Variants in RFX1 observed in about 807,000 individuals in gnomAD.
RFX1 encodes the protein regulatory factor X1, also known as MHC class II regulatory factor RFX1.
RFX1 carries 42 observed loss-of-function variants against 119.6 expected under a neutral mutation model. The observed-to-expected ratio is 0.35, with a 90% CI of 0.27 to 0.45. RFX1 has a LOEUF of 0.45. RFX1 is among the 20% of genes least tolerant of loss of function. RFX1 has a pLI of 1.00. For missense variants in RFX1, 1,118 were observed against 1,368.1 expected, an observed-to-expected ratio of 0.82 and a Z score of 2.88; for synonymous variants, 628 against 618.5, an observed-to-expected ratio of 1.02 and a Z score of -0.23.
chr19:13,990,556 G>A lies in RFX1; in HGVS notation c.319+2969C>T, dbSNP rs958208665. ...GATTAGGCCGGGCGCGGTGGCTCAC[G>A]CCTGTAATCCCAGCACTTTTGGAGG... is the stretch of plus-strand genomic sequence containing the variant. On this transcript the variant is annotated intron_variant, in intron 2 of 20. Coordinates refer to ENST00000254325, the MANE Select transcript of RFX1 (RefSeq NM_002918.5). This position sits in a 1 kb window ranked among gnomAD's most constrained non-coding sequence, Gnocchi z 4.1. Among the ~76,000 whole-genome samples, 29 of 152,010 alleles carry A rather than the reference G, an allele frequency of 1.9e-4. No individual in the cohort carries two copies. Among genetic ancestry groups the A allele is most frequent in the East Asian group, 7.7e-4 (4 of 5,172 alleles).
chr19:13,974,696 A>C (rs543310011), intron 8 of RFX1, among the ~76,000 whole-genome samples: 1 of 152,284 alleles, frequency 6.6e-6, no homozygotes, highest in East Asian at 1.9e-4. Flanking sequence ...ATCTCGCTAA[A>C]CATCGTTGGA....
At chr19:13,994,802 CATAT>C (rs1974936506) in intron 1 of RFX1, among the ~76,000 whole-genome samples, 1 of 124,708 alleles carries the variant, frequency 8.0e-6, no homozygotes, top group Admixed American at 8.6e-5. Context: ...CATATATATA[CATAT>C]ATAGTATATA....
At chr19:13,995,851 C>CAAAAA (rs57542235) in intron 1 of RFX1, among the ~76,000 whole-genome samples, 1 of 35,630 alleles carries the variant, frequency 2.8e-5, no homozygotes, top group African/African-American at 7.1e-5. Flanking sequence ...ACTCTGTCTC[C>CAAAAA]AAAAAAAAAA....
Position 13,969,661 on chromosome 19 carries a change from A to AG in RFX1, c.1496+332_1496+333insC. ...GCCACAGAGTGAGACTCTTGTCTCC[A>AG]AAAAAAAAAAAAAGTCACGTGTGAG... On this transcript the variant is annotated intron_variant, in intron 10 of 20. Transcript: ENST00000254325. The surrounding 1 kb of genome is among the most constrained non-coding windows in gnomAD (Gnocchi z 4.5). 1 of 151,030 alleles carries AG rather than the reference A, an allele frequency of 6.6e-6. No individual in the cohort carries two copies. The highest frequency in any genetic ancestry group is 1.4e-5 in the Non-Finnish European group (1 of 69,110). The allele number at this position is 151,030 out of a possible 1,614,324, so 9.4% of individuals were successfully genotyped here. A position where few individuals can be genotyped will look rare whatever the true frequency, so the allele number is the denominator to read the frequency against.
Position 13,993,886 on chromosome 19 carries a change from T to C in RFX1, c.-43A>G. The C allele has an allele frequency of 1.4e-6, 2 of 1,456,756 alleles. No homozygotes were observed. Among genetic ancestry groups the C allele is most frequent in the Non-Finnish European group, 1.8e-6 (2 of 1,089,176 alleles). 90.2% of individuals were successfully genotyped at this position (1,456,756 alleles called of 1,614,324 possible). ...TGATAATAAATAAGGCTTTTTTTTT[T>C]TTTTAATTCCTTGGGAAGAAAGACG... is the stretch of plus-strand genomic sequence containing the variant. On this transcript the variant is annotated 5_prime_UTR_variant, in exon 2 of 21. Transcript: ENST00000254325.
In RFX1 at chr19:13,966,688, C is replaced by T; in HGVS notation, c.1796G>A (p.Gly599Asp). Residue 599 changes from glycine to aspartate, a missense_variant, in exon 13 of 21, where the codon GGC becomes GAC. Physicochemically the swap from Gly to Asp is moderately conservative, Grantham distance 94. Coordinates refer to ENST00000254325, the MANE Select transcript of RFX1 (RefSeq NM_002918.5). This position sits in a 1 kb window ranked among gnomAD's most constrained non-coding sequence, Gnocchi z 6.3. ...GGCTTTGATGTCCCCGGGCCCGACG[C>T]CCTCAGGCAGCACCTTGCCCTGGAG... ...LDLQGKVLPE[G>D]VGPGDIKAFQ... 1 of 1,611,600 alleles carries T rather than the reference C, an allele frequency of 6.2e-7. No homozygotes were observed. The highest frequency in any genetic ancestry group is 1.1e-5 in the South Asian group (1 of 90,992).
rs149265349 is a variant in RFX1, at chr19:13,970,221, G to A, written c.1315-46C>T. ...GAGAGCACCAGTCAGAGGCGCTTCC[G>A]TCATCTCTGAGTGCTGGGGCTGAGT... is the stretch of plus-strand genomic sequence containing the variant. On this transcript the variant is annotated intron_variant, in intron 9 of 20. Coordinates refer to ENST00000254325, the MANE Select transcript of RFX1 (RefSeq NM_002918.5). The A allele has an allele frequency of 5.8e-4, 879 of 1,508,674 alleles. 6 individuals carry two copies. The African/African-American group carries it at 9.8e-3, about 17-fold the overall frequency. 93.5% of individuals were successfully genotyped at this position (1,508,674 alleles called of 1,614,324 possible).
At chr19:13,996,351 T>C (rs914360837) in intron 1 of RFX1, among the ~76,000 whole-genome samples, 2 of 152,236 alleles carry the variant, frequency 1.3e-5, no homozygotes, top group African/African-American at 2.4e-5. Context: ...CGGGCAGTAC[T>C]GCCTCCTGGC....
At chr19:13,973,151 G>A in intron 8 of RFX1, 24 bp from the exon 9 acceptor site, 1 of 1,395,298 alleles carries the variant, frequency 7.2e-7, no homozygotes, top group South Asian at 1.1e-5. Context: ...AAAGCCAAGG[G>A]AGAGTCAGGG....
rs918678404 is a variant in RFX1 at position 13,968,427 on chromosome 19, C to G, written c.1732+138G>C. The G allele has an allele frequency of 3.9e-5, 27 of 688,714 alleles. No homozygotes were observed. The highest frequency in any genetic ancestry group is 3.8e-4 in the African/African-American group (22 of 57,202). 42.7% of individuals were successfully genotyped at this position (688,714 alleles called of 1,614,324 possible). Reference sequence around the variant, plus strand: ...TGGACGGAGACTGTGATGTCTCCCCCACCCCCTGCTGGTTCTCGGGCATCT... The same window carrying G: ...TGGACGGAGACTGTGATGTCTCCCCGACCCCCTGCTGGTTCTCGGGCATCT... On this transcript the variant is annotated intron_variant, in intron 12 of 20. Coordinates refer to ENST00000254325, the MANE Select transcript of RFX1 (RefSeq NM_002918.5). The surrounding 1 kb of genome is among the most constrained non-coding windows in gnomAD (Gnocchi z 5.5).
Position 13,993,782 on chromosome 19 carries a change from G to T in RFX1, c.62C>A (p.Ala21Asp). ...CGGCTGGGGCTGGGCTTGTGGCGGG[G>T]CCTGTGGCGGCTGGGATGGTGGCGG... is the stretch of plus-strand genomic sequence containing the variant. ...AAPPPSQPPQAPPQAQPQPPP... is the reference protein window; with the variant it reads ...AAPPPSQPPQDPPQAQPQPPP... The change falls in exon 2 of 21, where the codon GCC (alanine) becomes GAC (aspartate). Residue 21 changes from alanine to aspartate, a missense_variant. By Grantham distance (126) the Ala-to-Asp change is moderately radical. This residue lies in a region of RFX1 where 542 missense variants were observed against 602.7 expected (regional missense o/e 0.90). Coordinates refer to ENST00000254325, the MANE Select transcript of RFX1 (RefSeq NM_002918.5). 2 of 1,589,422 alleles carry T rather than the reference G, an allele frequency of 1.3e-6. No homozygotes were observed. Among genetic ancestry groups the T allele is most frequent in the Non-Finnish European group, 1.7e-6 (2 of 1,169,342 alleles).
At chr19:13,962,901 T>C in intron 20 of RFX1, 37 bp from the exon 21 acceptor site, 1 of 1,529,344 alleles carries the variant, frequency 6.5e-7, no homozygotes, top group Non-Finnish European at 8.8e-7. Context: ...CGGGGCGGGG[T>C]GGCAACGCCC....
At position 13,966,393 on chromosome 19, in the gene RFX1, C is replaced by A; in HGVS notation, c.1961+28G>T. 6.8e-7 allele frequency: 1 copy of A among 1,470,392 alleles called. No homozygotes were observed. Among genetic ancestry groups the A allele is most frequent in the Non-Finnish European group, 9.5e-7 (1 of 1,050,466 alleles). The allele number at this position is 1,470,392 out of a possible 1,614,324, so 91.1% of individuals were successfully genotyped here. ...GGGTCATGCCCTCCTCCCCCCTCTC[C>A]CTCCCACAGTCGCCGGGCAGTACTC... is the stretch of plus-strand genomic sequence containing the variant. On this transcript the variant is annotated intron_variant, in intron 14 of 20. Coordinates refer to ENST00000254325, the MANE Select transcript of RFX1 (RefSeq NM_002918.5). This position sits in a 1 kb window ranked among gnomAD's most constrained non-coding sequence, Gnocchi z 6.3.
rs569494540 is a variant in RFX1 at position 13,972,974 on chromosome 19, G to A, written c.1083C>T (p.Ser361=). The A allele has an allele frequency of 1.9e-5, 31 of 1,599,808 alleles. No individual in the cohort carries two copies. The highest frequency in any genetic ancestry group is 2.7e-5 in the African/African-American group (2 of 74,884). ...ASSGSMPMYV[S]GSQVVASSTS... is the part of the protein sequence containing the mutation. ...TGGAGCTGGCGACGACCTGGCTGCCGGACACGTACATGGGCATGGAGCCAC... is the reference window on the plus strand; with the variant it reads ...TGGAGCTGGCGACGACCTGGCTGCCAGACACGTACATGGGCATGGAGCCAC... The change falls in exon 9 of 21, where the codon TCC becomes TCT. Residue 361 remains serine, a synonymous_variant. Coordinates refer to ENST00000254325, the MANE Select transcript of RFX1 (RefSeq NM_002918.5).
In RFX1 at chr19:13,993,734, G is replaced by A; in HGVS notation, c.110C>T (p.Ala37Val). ...GGTGGGTGGCTGCGGGGGCTGGGGTGCCGCTGGGGGTGGTGGCGGTGGCGG... is the reference window on the plus strand; with the variant it reads ...GGTGGGTGGCTGCGGGGGCTGGGGTACCGCTGGGGGTGGTGGCGGTGGCGG... Reference protein sequence around the residue: ...PQPPPPPPPAAPQPPQPPTAA... With the variant: ...PQPPPPPPPAVPQPPQPPTAA... The change falls in exon 2 of 21, where the codon GCA (alanine) becomes GTA (valine). Residue 37 changes from alanine to valine, a missense_variant. Around this residue, in one of 5 missense-constraint regions of RFX1, gnomAD observed 542 missense variants for 602.7 expected, o/e 0.90. Transcript: ENST00000254325. 4 of 1,583,782 alleles carry A rather than the reference G, an allele frequency of 2.5e-6. No individual in the cohort carries two copies. Among genetic ancestry groups the A allele is most frequent in the Non-Finnish European group, 3.4e-6 (4 of 1,165,672 alleles).
Position 13,966,844 on chromosome 19 carries a change from G to A in RFX1, c.1733-93C>T. ...CCTGTCCGTTTCCCATCAGACTGGG[G>A]TCCCCCATGTGCCGGTGAGACAACG... is the stretch of plus-strand genomic sequence containing the variant. On this transcript the variant is annotated intron_variant, in intron 12 of 20. Transcript: ENST00000254325. This position sits in a 1 kb window ranked among gnomAD's most constrained non-coding sequence, Gnocchi z 6.3. The A allele has an allele frequency of 1.2e-6, 1 of 841,386 alleles. No homozygotes were observed. The highest frequency in any genetic ancestry group is 1.9e-6 in the Non-Finnish European group (1 of 539,838). The allele number at this position is 841,386 out of a possible 1,614,324, so 52.1% of individuals were successfully genotyped here. A position where few individuals can be genotyped will look rare whatever the true frequency, so the allele number is the denominator to read the frequency against.
chr19:13,969,511 A>T lies in RFX1; in HGVS notation c.1496+483T>A, dbSNP rs2079609164. On this transcript the variant is annotated intron_variant, in intron 10 of 20. Coordinates refer to ENST00000254325, the MANE Select transcript of RFX1 (RefSeq NM_002918.5). The surrounding 1 kb of genome is among the most constrained non-coding windows in gnomAD (Gnocchi z 4.5). ...CTACTAAAATTATTTTTTAAAAATT[A>T]GCTGGGCGTGGTGGCACATGCTTGT... The T allele has an allele frequency of 6.3e-6, 1 of 158,684 alleles. No individual in the cohort carries two copies. The allele number at this position is 158,684 out of a possible 1,614,324, so 9.8% of individuals were successfully genotyped here.
chr19:14,004,396 G>A (rs1016301383), intron 1 of RFX1, among the ~76,000 whole-genome samples: 5 of 152,072 alleles, frequency 3.3e-5, no homozygotes, highest in Admixed American at 6.6e-5. Context: ...TAGTCCCAGC[G>A]ACTCAGGAGA....
Position 14,004,353 on chromosome 19 carries a change from C to A in RFX1, c.-53+1750G>T, listed in dbSNP as rs572318455. Reference sequence around the variant, plus strand: ...TGAAACCCCGTCTCTACTAAAAATACGAAAATCAGCCGGGCATGATGGCGA... The same window carrying A: ...TGAAACCCCGTCTCTACTAAAAATAAGAAAATCAGCCGGGCATGATGGCGA... On this transcript the variant is annotated intron_variant, in intron 1 of 20. Coordinates refer to ENST00000254325, the MANE Select transcript of RFX1 (RefSeq NM_002918.5). Among the ~76,000 whole-genome samples, 201 of 152,232 alleles carry A rather than the reference C, an allele frequency of 1.3e-3. 2 individuals are homozygous for A. The highest frequency in any genetic ancestry group is 4.4e-3 in the African/African-American group (182 of 41,556).
Sources: allele counts gnomAD v4.1 joint callset (sites outside exome capture counted in the v4.1 genomes callset), GRCh38; gene constraint gnomAD v4.1.1; regional missense constraint gnomAD v4.1.1; non-coding constraint Gnocchi (gnomAD v3.1); transcripts MANE v1.5; gene names NCBI Gene and HGNC (gene_info 2026-07-23, HGNC 2026-07-21).